The following MAP4K3 variants were observed in gnomAD, a reference collection of about 807,000 sequenced individuals.
The protein encoded by MAP4K3 is mitogen-activated protein kinase kinase kinase kinase 3, also known as MAPK/ERK kinase kinase kinase 3.
A neutral mutation model predicts 143.5 loss-of-function variants in MAP4K3; 94 were observed. The ratio of observed to expected loss-of-function variants is 0.65; its 90% confidence interval spans 0.55 to 0.78. MAP4K3 has a LOEUF of 0.78. Ranked by LOEUF, MAP4K3 falls within the 30% of genes least tolerant of loss-of-function variation. MAP4K3 has a pLI of 0.00. For missense variants in MAP4K3, 1,077 were observed against 1,068.1 expected (o/e 1.01, Z -0.12); for synonymous variants, 416 against 347.2 (o/e 1.20, Z -2.20).
intron 1 of MAP4K3, among the ~76,000 whole-genome samples, chr2:39,428,878 G>C (rs1310712467): frequency 6.6e-6 from 1 of 151,384 alleles, no homozygotes; most frequent in South Asian, 2.1e-4. Flanking sequence ...GACCAGCCTG[G>C]CCAACATGGT....
chr2:39,376,643 A>G (rs1334191912), intron 2 of MAP4K3, among the ~76,000 whole-genome samples: 1 of 152,252 alleles, frequency 6.6e-6, no homozygotes, highest in East Asian at 1.9e-4. Context: ...GTCTAGAATG[A>G]CAATATAGCT....
intron 2 of MAP4K3, among the ~76,000 whole-genome samples, chr2:39,361,966 A>C (rs888486423): frequency 2.0e-5 from 3 of 152,094 alleles, no homozygotes; most frequent in African/African-American, 7.2e-5. Flanking sequence ...ACCTGAAAAA[A>C]ACAAAAGACA....
intron 3 of MAP4K3, among the ~76,000 whole-genome samples, chr2:39,348,463 C>T (rs1665359829): frequency 6.6e-6 from 1 of 152,212 alleles, no homozygotes; most frequent in African/African-American, 2.4e-5. Flanking sequence ...TAGTCATAGT[C>T]TATTAGAGAA....
intron 6 of MAP4K3, among the ~76,000 whole-genome samples, chr2:39,335,428 C>A (rs996661675): frequency 9.2e-5 from 14 of 152,106 alleles, no homozygotes; most frequent in African/African-American, 3.1e-4. Flanking sequence ...CAATTAGGCC[C>A]AGACTCTGAA....
At chr2:39,259,542 A>G (rs1680481517) in intron 29 of MAP4K3, among the ~76,000 whole-genome samples, 1 of 152,214 alleles carries the variant, frequency 6.6e-6, no homozygotes, top group African/African-American at 2.4e-5. Flanking sequence ...TTAAAAATAC[A>G]TAAAATACTT....
chr2:39,311,171 G>A (rs2148500946), intron 13 of MAP4K3, among the ~76,000 whole-genome samples: 1 of 152,224 alleles, frequency 6.6e-6, no homozygotes, highest in Admixed American at 6.5e-5. Flanking sequence ...TCCACCTCCT[G>A]GGTTCAAGCG....
chr2:39,357,423 T>C (rs555573299), intron 2 of MAP4K3, among the ~76,000 whole-genome samples: 7 of 152,344 alleles, frequency 4.6e-5, no homozygotes, highest in Admixed American at 6.5e-5. Context: ...TATAAGGTCA[T>C]TGTGGTAAGC....
intron 21 of MAP4K3, among the ~76,000 whole-genome samples, chr2:39,286,612 A>G (rs1681788738): frequency 6.6e-6 from 1 of 152,244 alleles, no homozygotes; most frequent in South Asian, 2.1e-4. Context: ...AACGTACTAC[A>G]TAACAAATTG....
At chr2:39,314,584 T>A (rs1472066741) in intron 13 of MAP4K3, among the ~76,000 whole-genome samples, 1 of 152,298 alleles carries the variant, frequency 6.6e-6, no homozygotes, top group African/African-American at 2.4e-5. Flanking sequence ...CACCATACTT[T>A]CCAGGTATCA....
chr2:39,278,586 A>G (rs1002936530), intron 23 of MAP4K3, 100 bp from the exon 24 acceptor site: 35 of 644,914 alleles, frequency 5.4e-5, no homozygotes, highest in Non-Finnish European at 9.1e-5. Context: ...TAACATATAA[A>G]ACAAGAATTA....
intron 2 of MAP4K3, among the ~76,000 whole-genome samples, chr2:39,363,889 A>C (rs1001640871): frequency 8.6e-5 from 13 of 151,740 alleles, no homozygotes; most frequent in Non-Finnish European, 1.6e-4. Context: ...AAGATATACA[A>C]ATGGCCAACA....
Position 39,388,154 on chromosome 2 carries a change from T to G in MAP4K3, c.97-10031A>C, listed in dbSNP as rs117727486. 4.1e-3 allele frequency among the ~76,000 whole-genome samples: 619 copies of G among 152,308 alleles called. 19 individuals are homozygous for G. In the East Asian group the frequency reaches 0.045, roughly 11 times the overall value. ...TAAAACTTAACAGTAGCACTGAGTT[T>G]GGGAAAGCATAAGAGATCAGGTAAC... On this transcript the variant is annotated intron_variant, in intron 1 of 33. Coordinates refer to ENST00000263881, the MANE Select transcript of MAP4K3 (RefSeq NM_003618.4).
rs1553318573 is a variant in MAP4K3, at chr2:39,415,980, A to AAAAAATATATATATAT, written c.96+20911_96+20912insATATATATATATTTTT. On this transcript the variant is annotated intron_variant, in intron 1 of 33. Coordinates refer to ENST00000263881, the MANE Select transcript of MAP4K3 (RefSeq NM_003618.4). ...AAAAAAAAAAAAAAAAAAAAAAAAA[A>AAAAAATATATATATAT]ATATATATATATATATATATATATA... Among the ~76,000 whole-genome samples, 13 of 14,752 alleles carry AAAAAATATATATATAT rather than the reference A, an allele frequency of 8.8e-4. 1 individual carries two copies. Among genetic ancestry groups the AAAAAATATATATATAT allele is most frequent in the African/African-American group, 1.2e-3 (6 of 5,058 alleles). The allele number at this position is 14,752 out of a possible 152,430, so 9.7% of individuals were successfully genotyped here.
intron 4 of MAP4K3, among the ~76,000 whole-genome samples, chr2:39,342,498 AT>A (rs1665173112): frequency 6.6e-6 from 1 of 152,176 alleles, no homozygotes; most frequent in Non-Finnish European, 1.5e-5. Flanking sequence ...TATTTTCTTT[AT>A]TAAGTTTTCT....
intron 1 of MAP4K3, among the ~76,000 whole-genome samples, chr2:39,429,208 G>A (rs753730113): frequency 3.3e-5 from 5 of 151,390 alleles, no homozygotes; most frequent in Non-Finnish European, 7.4e-5. Context: ...TAATTACTAC[G>A]CAATCCTGGA....
At chr2:39,432,321 G>A (rs993318200) in intron 1 of MAP4K3, among the ~76,000 whole-genome samples, 8 of 152,270 alleles carry the variant, frequency 5.3e-5, no homozygotes, top group Non-Finnish European at 1.0e-4. Context: ...CTGCATCAAA[G>A]TCAGAAAACC....
At chr2:39,265,990 C>G (rs1425185498) in intron 27 of MAP4K3, among the ~76,000 whole-genome samples, 1 of 152,138 alleles carries the variant, frequency 6.6e-6, no homozygotes, top group African/African-American at 2.4e-5. Flanking sequence ...GTAAAGTTCA[C>G]ACACTTCAAA....
At chr2:39,400,294 C>T (rs961585998) in intron 1 of MAP4K3, among the ~76,000 whole-genome samples, 1 of 152,198 alleles carries the variant, frequency 6.6e-6, no homozygotes, top group Non-Finnish European at 1.5e-5. Context: ...CTACAGTCTC[C>T]AGTCTTGACT....
intron 31 of MAP4K3, among the ~76,000 whole-genome samples, chr2:39,257,954 C>A (rs147021366): frequency 3.7e-4 from 57 of 152,128 alleles, no homozygotes; most frequent in African/African-American, 1.3e-3. Context: ...CTTTTTGAGA[C>A]AAGAGTCTCG....
Sources: allele counts gnomAD v4.1 joint callset (sites outside exome capture counted in the v4.1 genomes callset), GRCh38; gene constraint gnomAD v4.1.1; transcripts MANE v1.5; gene names NCBI Gene and HGNC (gene_info 2026-07-23, HGNC 2026-07-21).